Variants in NLGN1 observed in about 807,000 individuals in gnomAD.
The protein encoded by NLGN1 is neuroligin-1.
Under a neutral mutation model 65.5 loss-of-function variants are expected in NLGN1, and 12 were observed. The observed-to-expected ratio is 0.18, with a 90% CI of 0.12 to 0.30. NLGN1 has a LOEUF of 0.30. NLGN1 is among the 10% of genes least tolerant of loss of function. NLGN1 has a pLI of 1.00. For synonymous variants in NLGN1, 350 were observed against 359.5 expected, an observed-to-expected ratio of 0.97 and a Z score of 0.30; for missense variants, 750 against 1,007.1, an observed-to-expected ratio of 0.74 and a Z score of 3.46.
chr3:173,527,872 T>G (rs1735914560), intron 2 of NLGN1, among the ~76,000 whole-genome samples: 1 of 152,208 alleles, frequency 6.6e-6, no homozygotes, highest in Admixed American at 6.5e-5. Context: ...CTTGTTTTTG[T>G]TGGTGTTGAT....
chr3:174,147,573 A>G (rs1723571389), intron 4 of NLGN1, among the ~76,000 whole-genome samples: 3 of 151,686 alleles, frequency 2.0e-5, no homozygotes, highest in Admixed American at 6.6e-5. Context: ...AGCTGGGATT[A>G]CAGGCGGCTG....
At chr3:174,190,750 TAACTG>T (rs1244670459) in intron 4 of NLGN1, among the ~76,000 whole-genome samples, 4 of 152,258 alleles carry the variant, frequency 2.6e-5, no homozygotes, top group African/African-American at 2.4e-5. Context: ...GTATATAACT[TAACTG>T]AATAACTTCT....
chr3:173,673,433 G>T (rs1452054918), intron 3 of NLGN1, among the ~76,000 whole-genome samples: 1 of 152,158 alleles, frequency 6.6e-6, no homozygotes, highest in Non-Finnish European at 1.5e-5. Context: ...TACATTAAAA[G>T]GAGAGGCATT....
At chr3:173,756,946 C>G (rs749243554) in intron 3 of NLGN1, among the ~76,000 whole-genome samples, 1 of 151,904 alleles carries the variant, frequency 6.6e-6, no homozygotes, top group Non-Finnish European at 1.5e-5. Context: ...TATAATGATA[C>G]TAAGACAGAG....
At chr3:174,147,579 G>A (rs928875472) in intron 4 of NLGN1, among the ~76,000 whole-genome samples, 2 of 151,370 alleles carry the variant, frequency 1.3e-5, no homozygotes, top group African/African-American at 2.4e-5. Flanking sequence ...GATTACAGGC[G>A]GCTGCCACCA....
chr3:173,924,589 A>G (rs1330501474), intron 4 of NLGN1, among the ~76,000 whole-genome samples: 4 of 151,636 alleles, frequency 2.6e-5, no homozygotes, highest in East Asian at 1.9e-4. Context: ...CCCCACTGCA[A>G]TTCAGCCTAG....
intron 3 of NLGN1, among the ~76,000 whole-genome samples, chr3:173,786,751 A>G (rs1782031863): frequency 6.6e-6 from 1 of 152,310 alleles, no homozygotes; most frequent in East Asian, 1.9e-4. Flanking sequence ...ATTCATATTC[A>G]AAGGAAATAT....
chr3:173,751,314 T>C (rs1227681546), intron 3 of NLGN1, among the ~76,000 whole-genome samples: 1 of 152,116 alleles, frequency 6.6e-6, no homozygotes, highest in Non-Finnish European at 1.5e-5. Context: ...TGGAGGATCA[T>C]AGAAACATAT....
chr3:174,061,424 G>A (rs1192144530), intron 4 of NLGN1, among the ~76,000 whole-genome samples: 1 of 152,104 alleles, frequency 6.6e-6, no homozygotes, highest in Non-Finnish European at 1.5e-5. Context: ...AGTAGAATTG[G>A]TAAATGCACT....
intron 4 of NLGN1, among the ~76,000 whole-genome samples, chr3:174,254,334 A>C (rs1421427): frequency 0.39 from 30,666 of 78,098 alleles, 3,555 homozygotes; most frequent in East Asian, 0.59. Context: ...TTTTTTTTGT[A>C]ATTTAAAGTT....
At chr3:174,205,181 A>C (rs1735171247) in intron 4 of NLGN1, among the ~76,000 whole-genome samples, 1 of 152,148 alleles carries the variant, frequency 6.6e-6, no homozygotes, top group African/African-American at 2.4e-5. Context: ...TTCTAATCTT[A>C]GGAATCCACT....
chr3:173,891,863 T>C (rs1384060310), intron 4 of NLGN1, among the ~76,000 whole-genome samples: 6 of 151,652 alleles, frequency 4.0e-5, no homozygotes, highest in African/African-American at 1.5e-4. Flanking sequence ...AAAGACAAAA[T>C]TGCTTCTAAC....
intron 4 of NLGN1, among the ~76,000 whole-genome samples, chr3:174,274,821 C>CTT (rs1053654252): frequency 2.6e-5 from 4 of 151,848 alleles, no homozygotes; most frequent in African/African-American, 9.6e-5. Flanking sequence ...TTTACAAAAT[C>CTT]TTTCTCTACA....
Position 174,280,806 on chromosome 3 carries a change from AAAC to A in NLGN1, c.1982_1984del (p.Gln661del), listed in dbSNP as rs1163711907. On this transcript the variant is annotated inframe_deletion, in exon 7 of 7. Coordinates refer to ENST00000457714, the Ensembl canonical transcript of NLGN1. The surrounding 1 kb of genome is among the most constrained non-coding windows in gnomAD (Gnocchi z 4.9). ...TCCCACTGCCAAGCAGGATGATCCC[AAAC>A]AACAACCAAGTCCATTTTCAGTGGA... 4 of 1,613,302 alleles carry A rather than the reference AAAC, an allele frequency of 2.5e-6. No homozygotes were observed. Among genetic ancestry groups the A allele is most frequent in the Admixed American group, 1.7e-5 (1 of 59,894 alleles).
At chr3:173,995,311 C>T (rs1432623539) in intron 4 of NLGN1, among the ~76,000 whole-genome samples, 1 of 152,208 alleles carries the variant, frequency 6.6e-6, no homozygotes, top group Non-Finnish European at 1.5e-5. Context: ...GCCTCATTCT[C>T]GTCTCTGTAG....
rs568744958 is a variant in NLGN1, at chr3:173,851,080, C to T, written c.646+43248C>T. ...CAAACTTTTATGTATTTTATACCAT[C>T]GTGTTTTATTTAGTTTCATAATATG... On this transcript the variant is annotated intron_variant, in intron 4 of 6. Coordinates refer to ENST00000457714, the Ensembl canonical transcript of NLGN1. Among the ~76,000 whole-genome samples, 29 of 152,080 alleles carry T rather than the reference C, an allele frequency of 1.9e-4. 1 individual carries two copies. The highest frequency in any genetic ancestry group is 6.3e-4 in the African/African-American group (26 of 41,500).
intron 2 of NLGN1, among the ~76,000 whole-genome samples, chr3:173,467,247 A>G (rs1444001903): frequency 6.6e-6 from 1 of 152,018 alleles, no homozygotes; most frequent in Non-Finnish European, 1.5e-5. Context: ...TGGCAGTACT[A>G]TTTTGTCAAA....
At chr3:173,631,520 CAG>C (rs1755684529) in intron 3 of NLGN1, among the ~76,000 whole-genome samples, 1 of 152,112 alleles carries the variant, frequency 6.6e-6, no homozygotes, top group African/African-American at 2.4e-5. Flanking sequence ...CAGAAAGAAA[CAG>C]AGGCTACCAG....
chr3:174,020,294 C>T (rs1010631681), intron 4 of NLGN1, among the ~76,000 whole-genome samples: 13 of 151,922 alleles, frequency 8.6e-5, no homozygotes, highest in South Asian at 2.1e-4. Context: ...TTGTCAAAGA[C>T]GAAAATTTTA....
Sources: gnomAD v4.1 joint callset for allele counts (sites outside exome capture counted in the v4.1 genomes callset) on GRCh38, gnomAD v4.1.1 for gene constraint, Gnocchi (gnomAD v3.1) non-coding constraint, MANE v1.5 for transcripts, NCBI Gene and HGNC (gene_info 2026-07-23, HGNC 2026-07-21) for gene names.